Variants in BEST3 observed in about 807,000 individuals in gnomAD.
BEST3 encodes bestrophin 3, also known as bestrophin-3.
BEST3 carries 50 observed loss-of-function variants against 47.1 expected under a neutral mutation model. The observed-to-expected ratio is 1.06, with a 90% CI of 0.85 to 1.34. The LOEUF (loss-of-function observed/expected upper bound fraction) is 1.34, where lower values mean the gene tolerates loss of function less well. Ranked by LOEUF, BEST3 falls within the 40% of genes most tolerant of loss-of-function variation. The pLI, the probability that BEST3 is intolerant of heterozygous loss-of-function variation, is 0.00. For synonymous variants in BEST3, 282 were observed against 298.8 expected, an observed-to-expected ratio of 0.94 and a Z score of 0.58; for missense variants, 765 against 817.0, an observed-to-expected ratio of 0.94 and a Z score of 0.78.
chr12:69,671,899 T>C (rs1181395493), intron 8 of BEST3, among the ~76,000 whole-genome samples: 3 of 152,168 alleles, frequency 2.0e-5, no homozygotes, highest in African/African-American at 7.2e-5. Context: ...TGCTCACAAT[T>C]GTGGTGTTGT....
rs944160598 is a variant in BEST3 at position 69,655,433 on chromosome 12, G to A, written c.1481C>T (p.Pro494Leu). 6.2e-7 allele frequency: 1 copy of A among 1,614,134 alleles called. No homozygotes were observed. Among genetic ancestry groups the A allele is most frequent in the South Asian group, 1.1e-5 (1 of 91,078 alleles). The part of the protein sequence containing the change: ...LTPQSSVRTS[P>L]IKMPLVPEVL... ...CTCAGGTACCAGTGGCATTTTGATG[G>A]GGGAAGTTCTCACACTGGACTGTGG... The change falls in exon 10 of 10, where the codon CCC (proline) becomes CTC (leucine). Residue 494 changes from proline (P) to leucine (L), a missense_variant. Physicochemically the swap from Pro to Leu is moderately conservative, Grantham distance 98. Transcript: ENST00000330891.
chr12:69,672,640 T>C (rs1163464393), intron 8 of BEST3, among the ~76,000 whole-genome samples: 1 of 152,098 alleles, frequency 6.6e-6, no homozygotes, highest in Non-Finnish European at 1.5e-5. Context: ...AAAAAGCTAA[T>C]AGAGGGCTTA....
chr12:69,689,513 A>C (rs1272606708), intron 4 of BEST3, among the ~76,000 whole-genome samples: 1 of 152,218 alleles, frequency 6.6e-6, no homozygotes, highest in Non-Finnish European at 1.5e-5. Context: ...GTTATCTTCA[A>C]AATTACTTAC....
In BEST3 at chr12:69,698,734, C is replaced by T. The variant is rs565755397; in HGVS notation, c.-16+471G>A. Among the ~76,000 whole-genome samples, 4 of 151,166 alleles carry T rather than the reference C, an allele frequency of 2.6e-5. No homozygotes were observed. In the South Asian group the frequency reaches 8.3e-4, roughly 31 times the overall value. ...CCTACACCACACATTTTATCATAAACAAGAAAATTTTCTATCTTTACTCAT... is the reference window on the plus strand; with the variant it reads ...CCTACACCACACATTTTATCATAAATAAGAAAATTTTCTATCTTTACTCAT... On this transcript the variant is annotated intron_variant, in intron 1 of 9. Coordinates refer to ENST00000330891, the MANE Select transcript of BEST3 (RefSeq NM_032735.3).
At chr12:69,683,848 C>T (rs1011465974) in intron 4 of BEST3, 2 of 152,164 alleles carry the variant, frequency 1.3e-5, no homozygotes, top group Admixed American at 6.5e-5. Flanking sequence ...AAAGTAACTC[C>T]ACCTTTGGAA....
chr12:69,654,934 G>T lies in BEST3; in HGVS notation c.1980C>A (p.Asn660Lys). Residue 660 changes from asparagine to lysine, a missense_variant, in exon 10 of 10, where the codon AAC (asparagine) becomes AAA (lysine). Physicochemically the swap from Asn to Lys is moderately conservative, Grantham distance 94. Coordinates refer to ENST00000330891, the MANE Select transcript of BEST3 (RefSeq NM_032735.3). ...DTKETDIIEL[N>K]KETEESPK The stretch of plus-strand genomic sequence containing the variant: ...ATTTGGGTGATTCCTCAGTTTCCTT[G>T]TTCAGCTCTATGATATCTGTTTCCT... 1 of 1,612,710 alleles carries T rather than the reference G, an allele frequency of 6.2e-7. No individual in the cohort carries two copies. Among genetic ancestry groups the T allele is most frequent in the Non-Finnish European group, 8.5e-7 (1 of 1,179,004 alleles).
rs763952985 is a variant in BEST3 at position 69,677,061 on chromosome 12, G to A, written c.722C>T (p.Thr241Ile). The stretch of plus-strand genomic sequence containing the variant: ...AAAGAAGAAGGTATAGACAGCAAGA[G>A]TGACAACCTGGAACAGAGAGAGACC... ...GIPLVYTQVVTLAVYTFFFAC... is the reference protein window; with the variant it reads ...GIPLVYTQVVILAVYTFFFAC... Residue 241 changes from threonine to isoleucine, a missense_variant, in exon 7 of 10, where the codon ACT (threonine) becomes ATT (isoleucine). Coordinates refer to ENST00000330891, the MANE Select transcript of BEST3 (RefSeq NM_032735.3). The A allele has an allele frequency of 6.2e-7, 1 of 1,614,218 alleles. No individual in the cohort carries two copies. The highest frequency in any genetic ancestry group is 2.2e-5 in the East Asian group (1 of 44,890).
exon 10 of BEST3, chr12:69,643,580 C>T (rs1882941375): frequency 1.8e-6 from 1 of 548,616 alleles, no homozygotes; most frequent in African/African-American, 1.9e-5. Flanking sequence ...TTAGGAACTC[C>T]ACATGCCTGG....
At chr12:69,682,128 T>C (rs1885293779) in intron 4 of BEST3, among the ~76,000 whole-genome samples, 1 of 150,456 alleles carries the variant, frequency 6.6e-6, no homozygotes. Flanking sequence ...GGGTCTTATA[T>C]CCTTAGAGAT....
chr12:69,654,828 G>A lies in BEST3; in HGVS notation c.*79C>T. On this transcript the variant is annotated 3_prime_UTR_variant, in exon 10 of 10. Transcript: ENST00000330891. ...TTTTTAAAAAGTCGACCAGCCTTCA[G>A]GTATGTCCTGGGCCTAATATGCTGC... 1.3e-6 allele frequency: 2 copies of A among 1,519,300 alleles called. No individual in the cohort carries two copies. The highest frequency in any genetic ancestry group is 1.4e-5 in the South Asian group (1 of 74,020). The allele number at this position is 1,519,300 out of a possible 1,614,324, so 94.1% of individuals were successfully genotyped here. A position where few individuals can be genotyped will look rare whatever the true frequency, so the allele number is the denominator to read the frequency against.
Position 69,656,874 on chromosome 12 carries a change from A to C in BEST3, c.1101-1061T>G, listed in dbSNP as rs567120210. ...AAAGCACAGTCCTTGCTCAGAGGTA[A>C]TTTGTAAACATTCCTGATAAGGCTT... On this transcript the variant is annotated intron_variant, in intron 9 of 9. Coordinates refer to ENST00000330891, the MANE Select transcript of BEST3 (RefSeq NM_032735.3). Among the ~76,000 whole-genome samples, 116 of 152,234 alleles carry C rather than the reference A, an allele frequency of 7.6e-4. 1 individual carries two copies. Among genetic ancestry groups the C allele is most frequent in the Admixed American group, 1.8e-3 (28 of 15,290 alleles).
At chr12:69,650,444 A>G (rs1883173425), downstream of BEST3, among the ~76,000 whole-genome samples, 1 of 152,354 alleles carries the variant, frequency 6.6e-6, no homozygotes, top group Admixed American at 6.5e-5. Context: ...ACAAGACAAA[A>G]TGAGGAAATC....
chr12:69,679,717 C>T (rs1415120083), intron 4 of BEST3, among the ~76,000 whole-genome samples: 2 of 152,218 alleles, frequency 1.3e-5, no homozygotes, highest in South Asian at 2.1e-4. Flanking sequence ...AAAAATTAGC[C>T]GGGCATGGTG....
downstream of BEST3, chr12:69,653,594 G>A (rs753282200): frequency 1.0e-6 from 1 of 964,758 alleles, no homozygotes; most frequent in Non-Finnish European, 1.2e-6. Flanking sequence ...AACAGTGTAA[G>A]CACTCAATAA....
At chr12:69,698,362 A>G (rs1262099893) in intron 1 of BEST3, among the ~76,000 whole-genome samples, 1 of 151,436 alleles carries the variant, frequency 6.6e-6, no homozygotes, top group Non-Finnish European at 1.5e-5. Context: ...ATTATTTACA[A>G]CTCTTTCTAC....
At chr12:69,678,930 T>G (rs762345407) in intron 4 of BEST3, 37 bp from the exon 5 acceptor site, 1 of 1,531,614 alleles carries the variant, frequency 6.5e-7, no homozygotes, top group Admixed American at 1.8e-5. Flanking sequence ...GTATACAGAC[T>G]TAGTTTGACA....
At position 69,693,863 on chromosome 12, in the gene BEST3, CA is replaced by C. The variant is rs1331393491; in HGVS notation, c.291del (p.Phe97LeufsTer2). 1.9e-6 allele frequency: 3 copies of C among 1,613,454 alleles called. No homozygotes were observed. Among genetic ancestry groups the C allele is most frequent in the Non-Finnish European group, 1.7e-6 (2 of 1,179,692 alleles). ...AGCCTGTCTGGCCAGGGCAAATTCA[CA>C]AACTGGTTCCACCATCGGTTCACTA... The part of the protein sequence containing the change: ...TLVVNRWWNQ[F>X]VNLPWPDRLM... On this transcript the variant is annotated frameshift_variant, in exon 4 of 10. Coordinates refer to ENST00000330891, the MANE Select transcript of BEST3 (RefSeq NM_032735.3). LOFTEE classifies it high-confidence loss of function.
intron 4 of BEST3, chr12:69,684,716 A>T: frequency 2.1e-6 from 1 of 469,348 alleles, no homozygotes. Context: ...GTGTTTTCCA[A>T]ATGAATGGAA....
chr12:69,653,562 C>T, downstream of BEST3: 1 of 850,558 alleles, frequency 1.2e-6, no homozygotes, highest in Non-Finnish European at 1.4e-6. Context: ...ATATCAGTCT[C>T]ATAAGATTCG....
Sources: gnomAD v4.1 joint callset for allele counts (sites outside exome capture counted in the v4.1 genomes callset) on GRCh38, gnomAD v4.1.1 for gene constraint, MANE v1.5 for transcripts, NCBI Gene and HGNC (gene_info 2026-07-23, HGNC 2026-07-21) for gene names.